The following SRGAP2 variants were observed in gnomAD, a reference collection of about 807,000 sequenced individuals.
The protein encoded by SRGAP2 is SLIT-ROBO Rho GTPase activating protein 2.
Under a neutral mutation model 57.2 loss-of-function variants are expected in SRGAP2, and 15 were observed. That is an observed-to-expected ratio of 0.26 (90% CI 0.18 to 0.40). The LOEUF (loss-of-function observed/expected upper bound fraction) is 0.40. Among genes scored for constraint, SRGAP2 ranks in the 10% least tolerant of loss-of-function variants. SRGAP2 has a pLI of 1.00. For missense variants in SRGAP2, 520 were observed against 669.6 expected, an observed-to-expected ratio of 0.78 and a Z score of 2.47; for synonymous variants, 249 against 248.0, an observed-to-expected ratio of 1.00 and a Z score of -0.04.
Position 206,348,074 on chromosome 1 carries a change from CT to C in SRGAP2, c.423+5068del, listed in dbSNP as rs1675778575. Among the ~76,000 whole-genome samples, 3 of 146,982 alleles carry C rather than the reference CT, an allele frequency of 2.0e-5. No homozygotes were observed. In the South Asian group the frequency reaches 6.3e-4, roughly 31 times the overall value. ...TATTGAACCCCCTTAAGGGAGGCTC[CT>C]TGCTAGCCCTCTGGTTTGTGGTAAT... is the stretch of plus-strand genomic sequence containing the variant. On this transcript the variant is annotated intron_variant, in intron 4 of 22. Coordinates refer to ENST00000573034, the MANE Select transcript of SRGAP2 (RefSeq NM_015326.5).
chr1:206,327,049 G>A (rs574423566), intron 3 of SRGAP2, among the ~76,000 whole-genome samples: 6 of 152,070 alleles, frequency 3.9e-5, no homozygotes, highest in East Asian at 1.9e-4. Context: ...AGTATGGGCC[G>A]GGTGCGGTGG....
At position 206,453,364 on chromosome 1, in the gene SRGAP2, A is replaced by G. The variant is rs1663507183; in HGVS notation, c.2344A>G (p.Ile782Val). The G allele has an allele frequency of 4.2e-6, 3 of 706,660 alleles. No homozygotes were observed. The highest frequency in any genetic ancestry group is 8.0e-6 in the Non-Finnish European group (3 of 377,172). 43.8% of individuals were successfully genotyped at this position (706,660 alleles called of 1,614,324 possible). ...GIDGLIPHQY[I>V]VVQDTEDGVV... ...CGACGGACTCATCCCCCATCAGTAC[A>G]TCGTGGTCCAAGACACGTACGTTGG... Residue 782 changes from isoleucine (I) to valine (V), a missense_variant, in exon 20 of 23, where the codon ATC becomes GTC. By Grantham distance (29) the Ile-to-Val change is conservative. Around this residue, in one of 5 missense-constraint regions of SRGAP2, gnomAD observed 478 missense variants for 373.6 expected, o/e 1.28. Transcript: ENST00000573034.
intron 2 of SRGAP2, among the ~76,000 whole-genome samples, chr1:206,221,228 C>A (rs1666970365): frequency 6.7e-6 from 1 of 149,272 alleles, no homozygotes; most frequent in African/African-American, 2.6e-5. Flanking sequence ...GCATGAGCCA[C>A]CGTACCTGGC....
chr1:206,450,330 G>C, intron 18 of SRGAP2, 56 bp from the exon 19 acceptor site: 1 of 770,818 alleles, frequency 1.3e-6, no homozygotes, highest in Non-Finnish European at 2.4e-6. Flanking sequence ...TGAAGGGGAA[G>C]ACAAGAATTT....
chr1:206,309,782 G>C (rs1260887369), intron 3 of SRGAP2, among the ~76,000 whole-genome samples: 1 of 151,516 alleles, frequency 6.6e-6, no homozygotes, highest in East Asian at 1.9e-4. Context: ...GGGATAGCTA[G>C]CAGAATCTTC....
At chr1:206,459,616 C>T (rs1553379786) in intron 22 of SRGAP2, among the ~76,000 whole-genome samples, 1 of 152,152 alleles carries the variant, frequency 6.6e-6, no homozygotes, top group Non-Finnish European at 1.5e-5. Flanking sequence ...AATCCGACTA[C>T]CGGGGCCACT....
At chr1:206,285,726 G>A (rs1256051098) in intron 2 of SRGAP2, among the ~76,000 whole-genome samples, 1 of 152,044 alleles carries the variant, frequency 6.6e-6, no homozygotes, top group African/African-American at 2.4e-5. Context: ...GGAGTGCAGC[G>A]GTGTGATCTC....
chr1:206,259,665 A>T lies in SRGAP2; in HGVS notation c.68-43616A>T, dbSNP rs548538574. Among the ~76,000 whole-genome samples the T allele has an allele frequency of 2.6e-5, 4 of 151,528 alleles. No individual in the cohort carries two copies. The South Asian group carries it at 8.4e-4, about 32-fold the overall frequency. On this transcript the variant is annotated intron_variant, in intron 2 of 22. Transcript: ENST00000573034. ...TCTAGTTGAGGCTATGGGTAGGTAG[A>T]AGTGTCTAGTTGTTCTTGGTGTTTT...
intron 17 of SRGAP2, among the ~76,000 whole-genome samples, chr1:206,441,177 A>G (rs189062377): frequency 9.7e-4 from 147 of 152,292 alleles, no homozygotes; most frequent in African/African-American, 3.4e-3. Context: ...AATCAAGACA[A>G]TGTGTTGATG....
chr1:206,464,062 GT>G lies in SRGAP2; in HGVS notation c.*2645del, dbSNP rs1553382024. ...GCATCCCAATTTAGAAAATAGAGGA[GT>G]TTGTAGCCAGCAGCCTGTAAACTGG... On this transcript the variant is annotated 3_prime_UTR_variant, in exon 23 of 23. Transcript: ENST00000573034. The G allele has an allele frequency of 6.6e-6, 1 of 152,594 alleles. No individual in the cohort carries two copies. The highest frequency in any genetic ancestry group is 1.9e-4 in the East Asian group (1 of 5,178). 9.5% of individuals were successfully genotyped at this position (152,594 alleles called of 1,614,324 possible).
At chr1:206,358,475 C>T (rs535771631) in intron 4 of SRGAP2, among the ~76,000 whole-genome samples, 4 of 151,392 alleles carry the variant, frequency 2.6e-5, no homozygotes, top group Non-Finnish European at 5.9e-5. Flanking sequence ...CAACTTTAAT[C>T]ATCTCTTCTC....
chr1:206,302,720 C>T (rs1490887069), intron 2 of SRGAP2, among the ~76,000 whole-genome samples: 5 of 151,250 alleles, frequency 3.3e-5, no homozygotes, highest in South Asian at 2.1e-4. Flanking sequence ...ATTAAAATAT[C>T]CTGACCTTCA....
At chr1:206,229,694 C>T (rs1337272430) in intron 2 of SRGAP2, among the ~76,000 whole-genome samples, 7 of 152,016 alleles carry the variant, frequency 4.6e-5, no homozygotes, top group African/African-American at 1.7e-4. Context: ...TTTTTGTCCT[C>T]TCAGAGACTC....
At chr1:206,236,865 C>CA (rs1553308255) in intron 2 of SRGAP2, among the ~76,000 whole-genome samples, 1 of 108,600 alleles carries the variant, frequency 9.2e-6, no homozygotes, top group Non-Finnish European at 1.8e-5. Flanking sequence ...AAAACGAAGA[C>CA]AAAACTGTTC....
intron 13 of SRGAP2, among the ~76,000 whole-genome samples, chr1:206,425,389 C>T (rs1660703724): frequency 6.6e-6 from 1 of 152,158 alleles, no homozygotes; most frequent in South Asian, 2.1e-4. Flanking sequence ...GTATTGGGAA[C>T]ATTCCAAATC....
At chr1:206,351,152 T>C in intron 4 of SRGAP2, among the ~76,000 whole-genome samples, 1 of 152,188 alleles carries the variant, frequency 6.6e-6, no homozygotes, top group Non-Finnish European at 1.5e-5. Context: ...ATGATGAAAC[T>C]GTGAGAGGGC....
Position 206,263,781 on chromosome 1 carries a change from TAAAC to T in SRGAP2, c.68-39496_68-39493del, listed in dbSNP as rs1167248907. Among the ~76,000 whole-genome samples the T allele has an allele frequency of 1.5e-3, 227 of 151,956 alleles. 1 individual carries two copies. The highest frequency in any genetic ancestry group is 5.0e-3 in the African/African-American group (209 of 41,424). On this transcript the variant is annotated intron_variant, in intron 2 of 22. Transcript: ENST00000573034. Reference sequence around the variant, plus strand: ...ACATCTATGAGGGAGACATAATAAATAAACAAAGATAATTAAATATTGAGATAAG... The same window carrying T: ...ACATCTATGAGGGAGACATAATAAATAAAGATAATTAAATATTGAGATAAG...
chr1:206,455,377 G>C, intron 21 of SRGAP2: 1 of 275,834 alleles, frequency 3.6e-6, no homozygotes, highest in Non-Finnish European at 7.0e-6. Context: ...GTTTCTCAGA[G>C]GTGCCTTCTT....
chr1:206,307,932 C>T (rs1222923399), intron 3 of SRGAP2, among the ~76,000 whole-genome samples: 1 of 152,234 alleles, frequency 6.6e-6, no homozygotes, highest in Non-Finnish European at 1.5e-5. Flanking sequence ...AAGGGCTCCT[C>T]GAATTCCATT....
Sources: allele counts gnomAD v4.1 joint callset (sites outside exome capture counted in the v4.1 genomes callset), GRCh38; gene constraint gnomAD v4.1.1; regional missense constraint gnomAD v4.1.1; transcripts MANE v1.5; gene names NCBI Gene and HGNC (gene_info 2026-07-23, HGNC 2026-07-21).